ARHGEF12: variants seen among roughly 807,000 people sequenced by gnomAD.
The protein encoded by ARHGEF12 is KMT2A/ARHGEF12 fusion protein.
In ARHGEF12, 66 loss-of-function variants were observed where a neutral mutation model predicts 211.2. That is an observed-to-expected ratio of 0.31 (90% CI 0.26 to 0.38). The LOEUF is 0.38. Among genes scored for constraint, ARHGEF12 ranks in the 10% least tolerant of loss-of-function variants. The pLI, the probability that ARHGEF12 is intolerant of heterozygous loss-of-function variation, is 1.00. For synonymous variants in ARHGEF12, 592 were observed against 638.4 expected, an observed-to-expected ratio of 0.93 and a Z score of 1.09; for missense variants, 1,429 against 1,869.5, an observed-to-expected ratio of 0.76 and a Z score of 4.34.
Position 120,357,795 on chromosome 11 carries a change from C to G in ARHGEF12, c.32+20520C>G, listed in dbSNP as rs528505099. ...GTGTTGGCCAGGCTGTCCTTGAACT[C>G]CTGACCTCAAGTGATCCGCCCACCT... On this transcript the variant is annotated intron_variant, in intron 1 of 40. Coordinates refer to ENST00000397843, the MANE Select transcript of ARHGEF12 (RefSeq NM_015313.3). Among the ~76,000 whole-genome samples the G allele has an allele frequency of 2.0e-5, 3 of 152,282 alleles. No individual in the cohort carries two copies. The South Asian group carries it at 6.2e-4, about 32-fold the overall frequency.
chr11:120,416,028 G>C (rs1188254878), intron 4 of ARHGEF12, among the ~76,000 whole-genome samples: 1 of 152,150 alleles, frequency 6.6e-6, no homozygotes, highest in East Asian at 1.9e-4. Context: ...TTTTGCTGTA[G>C]AATTAAGAGG....
rs36062191 is a variant in ARHGEF12 at position 120,347,246 on chromosome 11, TTCTC to T, written c.32+9989_32+9992del. On this transcript the variant is annotated intron_variant, in intron 1 of 40. Coordinates refer to ENST00000397843, the MANE Select transcript of ARHGEF12 (RefSeq NM_015313.3). ...TTTCTTTCTCTCTGTCTCTCTCTGT[TTCTC>T]TCTCTCTCTCTCTCTCTGTCTGTGT... Among the ~76,000 whole-genome samples the T allele has an allele frequency of 1.2e-3, 153 of 130,440 alleles. 3 individuals carry two copies. The highest frequency in any genetic ancestry group is 6.1e-3 in the South Asian group (22 of 3,614). 85.6% of individuals were successfully genotyped at this position (130,440 alleles called of 152,430 possible). A position where few individuals can be genotyped will look rare whatever the true frequency, so the allele number is the denominator to read the frequency against.
chr11:120,441,180 G>T (rs796993092), intron 13 of ARHGEF12, among the ~76,000 whole-genome samples: 1 of 151,992 alleles, frequency 6.6e-6, no homozygotes. Flanking sequence ...ATAGTTGGGG[G>T]TAATGCTGGT....
At chr11:120,431,932 A>AT in intron 11 of ARHGEF12, 21 bp downstream of exon 11, 1 of 1,565,632 alleles carries the variant, frequency 6.4e-7, no homozygotes, top group Non-Finnish European at 8.6e-7. Flanking sequence ...AGTTTTCTAA[A>AT]TCTTTTTTCT....
rs1435062122 is a variant in ARHGEF12 at position 120,489,892 on chromosome 11, C to G, written c.*4815C>G. ...ACCATTCCCACTTGCTCTTTGATAG[C>G]CACCTCCTAGGAATGGAGACAATAA... is the stretch of plus-strand genomic sequence containing the variant. On this transcript the variant is annotated 3_prime_UTR_variant, in exon 41 of 41. Transcript: ENST00000397843. 1 of 182,410 alleles carries G rather than the reference C, an allele frequency of 5.5e-6. No individual in the cohort carries two copies. 11.3% of individuals were successfully genotyped at this position (182,410 alleles called of 1,614,324 possible). A position where few individuals can be genotyped will look rare whatever the true frequency, so the allele number is the denominator to read the frequency against.
intron 1 of ARHGEF12, among the ~76,000 whole-genome samples, chr11:120,348,077 T>G (rs1942821893): frequency 2.0e-5 from 3 of 152,206 alleles, no homozygotes. Context: ...AGCTTTAGTT[T>G]TTTCTAATTA....
At chr11:120,411,979 A>C (rs1383001939) in intron 4 of ARHGEF12, 1 of 152,092 alleles carries the variant, frequency 6.6e-6, no homozygotes, top group Non-Finnish European at 1.5e-5. Flanking sequence ...TTTGTGAACT[A>C]GATTTACTTT....
At chr11:120,459,845 A>G (rs1374360052) in intron 26 of ARHGEF12, among the ~76,000 whole-genome samples, 7 of 152,092 alleles carry the variant, frequency 4.6e-5, no homozygotes, top group African/African-American at 1.4e-4. Flanking sequence ...AGTAACTGGG[A>G]TTACAGGCGT....
chr11:120,383,311 G>T (rs1943929836), intron 1 of ARHGEF12, among the ~76,000 whole-genome samples: 1 of 152,106 alleles, frequency 6.6e-6, no homozygotes, highest in South Asian at 2.1e-4. Context: ...TTTTGTTGTA[G>T]ACAGTTTTTC....
At position 120,446,496 on chromosome 11, in the gene ARHGEF12, TAGA is replaced by T; in HGVS notation, c.1443_1445del (p.Glu481del). On this transcript the variant is annotated inframe_deletion, in exon 17 of 41. Transcript: ENST00000397843. ...GTCCATCCAGAAGTTCAAAGGCACT[TAGA>T]AGATTTTCGGTAAGCTTAGTGGTAG... 6.2e-7 allele frequency: 1 copy of T among 1,611,998 alleles called. No homozygotes were observed. Among genetic ancestry groups the T allele is most frequent in the Non-Finnish European group, 8.5e-7 (1 of 1,179,172 alleles).
At chr11:120,455,628 C>T (rs975075472) in intron 22 of ARHGEF12, among the ~76,000 whole-genome samples, 2 of 152,108 alleles carry the variant, frequency 1.3e-5, no homozygotes, top group Non-Finnish European at 2.9e-5. Flanking sequence ...AAGAAAATGT[C>T]CTGGGATCCA....
chr11:120,373,364 A>G (rs1241507681), intron 1 of ARHGEF12, among the ~76,000 whole-genome samples: 1 of 152,154 alleles, frequency 6.6e-6, no homozygotes. Flanking sequence ...CCATGTGAGT[A>G]CCTATGTTCT....
intron 4 of ARHGEF12, 110 bp downstream of exon 4, chr11:120,409,560 C>G (rs998220040): frequency 7.3e-6 from 8 of 1,088,678 alleles, no homozygotes; most frequent in Non-Finnish European, 1.1e-5. Context: ...TGCAGCCTTT[C>G]TTGTGTCTGC....
intron 1 of ARHGEF12, among the ~76,000 whole-genome samples, chr11:120,389,502 T>G (rs1438468084): frequency 6.6e-6 from 1 of 152,184 alleles, no homozygotes; most frequent in African/African-American, 2.4e-5. Context: ...GTGTATGTAT[T>G]TATGGATTAC....
intron 30 of ARHGEF12, among the ~76,000 whole-genome samples, chr11:120,471,964 A>G (rs149425092): frequency 6.6e-6 from 1 of 152,312 alleles, no homozygotes; most frequent in African/African-American, 2.4e-5. Context: ...ATTGTTTGTT[A>G]CAGAAGAGTT....
At position 120,481,531 on chromosome 11, in the gene ARHGEF12, C is replaced by T. The variant is rs1259970548; in HGVS notation, c.4509C>T (p.Ile1503=). ...PSSCADSQSQ[I]MEYIHKIEAD... ...CTTGTGCAGATTCACAGAGCCAGAT[C>T]ATGGAGTACATTCATAAGATAGAGG... The change falls in exon 39 of 41, where the codon ATC becomes ATT. Residue 1503 remains isoleucine (I), a synonymous_variant. Coordinates refer to ENST00000397843, the MANE Select transcript of ARHGEF12 (RefSeq NM_015313.3). 2 of 1,614,178 alleles carry T rather than the reference C, an allele frequency of 1.2e-6. No individual in the cohort carries two copies. Among genetic ancestry groups the T allele is most frequent in the Non-Finnish European group, 1.7e-6 (2 of 1,180,032 alleles).
At chr11:120,453,656 G>A (rs1946277032) in intron 22 of ARHGEF12, among the ~76,000 whole-genome samples, 1 of 152,160 alleles carries the variant, frequency 6.6e-6, no homozygotes, top group African/African-American at 2.4e-5. Flanking sequence ...AGACAAGGCT[G>A]CAGTGAGCCA....
intron 4 of ARHGEF12, among the ~76,000 whole-genome samples, chr11:120,420,505 A>G (rs1945152881): frequency 6.6e-6 from 1 of 152,194 alleles, no homozygotes; most frequent in Non-Finnish European, 1.5e-5. Context: ...GCAGTTTGCC[A>G]TAGCTGTTTT....
chr11:120,473,224 A>C, intron 31 of ARHGEF12, 97 bp downstream of exon 31: 1 of 1,067,318 alleles, frequency 9.4e-7, no homozygotes, highest in Non-Finnish European at 1.4e-6. Context: ...CGTCACCTGA[A>C]GGAGTTCTTG....
Sources: gnomAD v4.1 joint callset for allele counts (sites outside exome capture counted in the v4.1 genomes callset) on GRCh38, gnomAD v4.1.1 for gene constraint, MANE v1.5 for transcripts, NCBI Gene and HGNC (gene_info 2026-07-23, HGNC 2026-07-21) for gene names.